TRIP11: variants seen among roughly 807,000 people sequenced by gnomAD.
TRIP11 encodes the protein thyroid hormone receptor interactor 11, also known as thyroid receptor-interacting protein 11.
In TRIP11, 148 loss-of-function variants were observed where a neutral mutation model predicts 223.1. That is an observed-to-expected ratio of 0.66 (90% CI 0.58 to 0.76). The LOEUF is 0.76. TRIP11 is among the 30% of genes least tolerant of loss of function. TRIP11 has a pLI of 0.00. For missense variants in TRIP11, 2,043 were observed against 2,222.0 expected (o/e 0.92, Z 1.62); for synonymous variants, 762 against 772.6 (o/e 0.99, Z 0.23).
At chr14:91,988,943 AAGCTTTTTC>A (rs2056640007) in intron 15 of TRIP11, among the ~76,000 whole-genome samples, 3 of 152,192 alleles carry the variant, frequency 2.0e-5, no homozygotes, top group African/African-American at 7.2e-5. Context: ...AGCAGATATG[AAGCTTTTTC>A]ACCTGTGCTA....
chr14:92,037,016 C>A lies in TRIP11; in HGVS notation c.139+2531G>T, dbSNP rs2057332216. On this transcript the variant is annotated intron_variant, in intron 1 of 20. Transcript: ENST00000267622. This position sits in a 1 kb window ranked among gnomAD's most constrained non-coding sequence, Gnocchi z 4.2. The stretch of plus-strand genomic sequence containing the variant: ...AAATGCTGAGATTACAGGTATGAAC[C>A]ACACCTGGCCAGACCCCTATTTTTA... Among the ~76,000 whole-genome samples the A allele has an allele frequency of 6.6e-6, 1 of 152,180 alleles. No individual in the cohort carries two copies. The highest frequency in any genetic ancestry group is 2.1e-4 in the South Asian group (1 of 4,832).
At chr14:92,012,991 G>C (rs2056990710) in intron 7 of TRIP11, among the ~76,000 whole-genome samples, 1 of 152,188 alleles carries the variant, frequency 6.6e-6, no homozygotes, top group Admixed American at 6.5e-5. Context: ...CTCTTCAGCT[G>C]GGGGCGGTGG....
At chr14:91,981,012 A>ATAT (rs1301331303) in intron 16 of TRIP11, among the ~76,000 whole-genome samples, 19 of 49,934 alleles carry the variant, frequency 3.8e-4, no homozygotes, top group African/African-American at 6.0e-4. Context: ...ATATATATAT[A>ATAT]TTTTTTTTTT....
chr14:92,036,769 C>CT (rs1361748582), intron 1 of TRIP11, among the ~76,000 whole-genome samples: 2 of 152,214 alleles, frequency 1.3e-5, no homozygotes, highest in Non-Finnish European at 2.9e-5. Flanking sequence ...AGGGTCGTCT[C>CT]TGTCACCCAG....
chr14:92,027,654 A>G (rs1174477688), intron 2 of TRIP11, among the ~76,000 whole-genome samples: 2 of 152,224 alleles, frequency 1.3e-5, no homozygotes, highest in Non-Finnish European at 2.9e-5. Context: ...GCAGATAACA[A>G]TTTACTAAGC....
chr14:92,014,601 G>T lies in TRIP11; in HGVS notation c.824-24C>A. The T allele has an allele frequency of 1.9e-6, 3 of 1,594,302 alleles. No homozygotes were observed. In the South Asian group the frequency reaches 3.4e-5, roughly 18 times the overall value. ...ACCTAGAACATAAACACAAAACAAT[G>T]ACATCAAATGTCAAGTACCAAGAAA... On this transcript the variant is annotated intron_variant, in intron 6 of 20. Coordinates refer to ENST00000267622, the MANE Select transcript of TRIP11 (RefSeq NM_004239.4).
At chr14:91,985,630 G>A (rs1415052157) in intron 16 of TRIP11, among the ~76,000 whole-genome samples, 1 of 152,206 alleles carries the variant, frequency 6.6e-6, no homozygotes, top group Non-Finnish European at 1.5e-5. Context: ...TTAGTCTACA[G>A]ATGCTTAGAA....
chr14:92,013,118 T>C (rs192837436), intron 7 of TRIP11, among the ~76,000 whole-genome samples: 10 of 152,136 alleles, frequency 6.6e-5, no homozygotes, highest in Admixed American at 6.5e-4. Flanking sequence ...AATACAAAAA[T>C]TAGCTGGGCG....
chr14:92,014,673 T>C, intron 6 of TRIP11, 96 bp from the exon 7 acceptor site: 1 of 1,353,776 alleles, frequency 7.4e-7, no homozygotes. Context: ...CAGTTCAGAA[T>C]TTGGAAAGCT....
At chr14:92,013,349 C>A (rs2056996843) in intron 7 of TRIP11, among the ~76,000 whole-genome samples, 1 of 152,198 alleles carries the variant, frequency 6.6e-6, no homozygotes, top group Admixed American at 6.5e-5. Flanking sequence ...GAAAGTAACT[C>A]ATATAATCCT....
chr14:92,023,198 T>C (rs77245101), intron 3 of TRIP11, among the ~76,000 whole-genome samples: 2,972 of 152,290 alleles, frequency 0.02, 100 homozygotes, highest in African/African-American at 0.066. Context: ...CCACCAGTGT[T>C]TTCAACTGTG....
rs145607042 is a variant in TRIP11, at chr14:92,031,798, A to G, written c.201+1394T>C. ...TTAAATAAAAATTTGGATTTGCTGT[A>G]TTTAAATTATTAAAATGTCTTTTTC... On this transcript the variant is annotated intron_variant, in intron 2 of 20. Transcript: ENST00000267622. 4.8e-3 allele frequency among the ~76,000 whole-genome samples: 727 copies of G among 152,296 alleles called. 14 individuals are homozygous for G. The highest frequency in any genetic ancestry group is 0.017 in the African/African-American group (695 of 41,570).
At chr14:91,977,015 A>G in intron 16 of TRIP11, 1 of 248,766 alleles carries the variant, frequency 4.0e-6, no homozygotes, top group Non-Finnish European at 8.1e-6. Flanking sequence ...TTGAGCTGAA[A>G]GAGATGCTCA....
chr14:91,999,849 GGAA>G, intron 12 of TRIP11, 116 bp downstream of exon 12: 2 of 1,350,122 alleles, frequency 1.5e-6, no homozygotes. Context: ...GCACAGCAGA[GGAA>G]GAATAAGAAA....
rs1002071304 is a variant in TRIP11, at chr14:92,026,948, T to C, written c.202-1528A>G. The C allele has an allele frequency of 2.3e-5, 26 of 1,106,732 alleles. No individual in the cohort carries two copies. In the African/African-American group the frequency reaches 4.1e-4, roughly 17 times the overall value. 68.6% of individuals were successfully genotyped at this position (1,106,732 alleles called of 1,614,324 possible). A position where few individuals can be genotyped will look rare whatever the true frequency, so the allele number is the denominator to read the frequency against. On this transcript the variant is annotated intron_variant, in intron 2 of 20. Transcript: ENST00000267622. ...CCGCCGCGACCTATTCACCCTCCAC[T>C]TCCCCTCTCAGAATCTAAACGTGGT...
intron 2 of TRIP11, 88 bp from the exon 3 acceptor site, chr14:92,025,508 T>C (rs1300313820): frequency 6.0e-6 from 5 of 831,850 alleles, no homozygotes; most frequent in East Asian, 2.7e-5. Context: ...ACGTACTGCT[T>C]TCCCCCCCCA....
chr14:91,971,254 A>C (rs2056397455), intron 20 of TRIP11, among the ~76,000 whole-genome samples: 1 of 152,194 alleles, frequency 6.6e-6, no homozygotes, highest in African/African-American at 2.4e-5. Flanking sequence ...AAGCACTAAG[A>C]CAAATTTGTC....
chr14:91,983,207 C>T (rs2056565691), intron 16 of TRIP11, among the ~76,000 whole-genome samples: 1 of 152,232 alleles, frequency 6.6e-6, no homozygotes, highest in Admixed American at 6.5e-5. Context: ...ATGTCATCTT[C>T]CCTTCCTGCC....
At chr14:92,001,563 A>G (rs184419724) in intron 11 of TRIP11, among the ~76,000 whole-genome samples, 2 of 152,336 alleles carry the variant, frequency 1.3e-5, no homozygotes, top group Admixed American at 1.3e-4. Flanking sequence ...TACACTAATT[A>G]CCCTCAAGTA....
Sources: allele counts gnomAD v4.1 joint callset (sites outside exome capture counted in the v4.1 genomes callset), GRCh38; gene constraint gnomAD v4.1.1; non-coding constraint Gnocchi (gnomAD v3.1); transcripts MANE v1.5; gene names NCBI Gene and HGNC (gene_info 2026-07-23, HGNC 2026-07-21).